The following ZNF366 variants were observed in gnomAD, a reference collection of about 807,000 sequenced individuals.
ZNF366 encodes the protein dendritic cell-specific transcript protein.
In ZNF366, 20 loss-of-function variants were observed where a neutral mutation model predicts 47.2. The observed-to-expected ratio is 0.42, with a 90% CI of 0.30 to 0.62. The LOEUF (loss-of-function observed/expected upper bound fraction) is 0.62, where lower values mean the gene tolerates loss of function less well. Ranked by LOEUF, ZNF366 falls within the 20% of genes least tolerant of loss-of-function variation. The probability of loss-of-function intolerance (pLI) is 0.16; values close to 1 mark genes in which losing one functional copy is unlikely to be tolerated. For synonymous variants in ZNF366, 421 were observed against 395.1 expected, an observed-to-expected ratio of 1.07 and a Z score of -0.78; for missense variants, 987 against 976.3, an observed-to-expected ratio of 1.01 and a Z score of -0.15.
At chr5:72,453,929 C>T (rs930874659) in intron 3 of ZNF366, among the ~76,000 whole-genome samples, 10 of 152,206 alleles carry the variant, frequency 6.6e-5, no homozygotes, top group African/African-American at 2.2e-4. Context: ...TGATAGATGA[C>T]ACTCTCTAGG....
intron 3 of ZNF366, among the ~76,000 whole-genome samples, chr5:72,455,333 A>G (rs1743156313): frequency 1.3e-5 from 2 of 152,168 alleles, no homozygotes; most frequent in Non-Finnish European, 2.9e-5. Flanking sequence ...TAAAGCAGGA[A>G]CAGTCCCTGG....
chr5:72,489,533 G>A (rs1389976560), intron 1 of ZNF366, among the ~76,000 whole-genome samples: 1 of 152,210 alleles, frequency 6.6e-6, no homozygotes. Flanking sequence ...CATGGCACAT[G>A]GCAAGTGCTA....
rs529290790 is a variant in ZNF366, at chr5:72,440,639, T to A, written c.*3117A>T. 4 of 152,308 alleles carry A rather than the reference T, an allele frequency of 2.6e-5. No homozygotes were observed. Among genetic ancestry groups the A allele is most frequent in the African/African-American group, 9.6e-5 (4 of 41,572 alleles). 9.4% of individuals were successfully genotyped at this position (152,308 alleles called of 1,614,324 possible). ...AGGCAAGGCTGGCCAACCCTTCCCT[T>A]AACTCTGTGCTCTTGCATAAAGTGT... On this transcript the variant is annotated 3_prime_UTR_variant, in exon 5 of 5. Transcript: ENST00000318442.
intron 1 of ZNF366, among the ~76,000 whole-genome samples, chr5:72,464,488 T>C (rs2112331768): frequency 6.6e-6 from 1 of 152,314 alleles, no homozygotes; most frequent in East Asian, 1.9e-4. Context: ...CAAAAGCATA[T>C]TTATTTTCAG....
At chr5:72,481,032 A>G (rs1176419027) in intron 1 of ZNF366, among the ~76,000 whole-genome samples, 1 of 152,168 alleles carries the variant, frequency 6.6e-6, no homozygotes, top group Non-Finnish European at 1.5e-5. Flanking sequence ...CGGAAGGAAC[A>G]CCATGTGTGG....
intron 1 of ZNF366, among the ~76,000 whole-genome samples, chr5:72,473,601 A>G (rs1187819837): frequency 6.6e-6 from 1 of 152,162 alleles, no homozygotes; most frequent in Non-Finnish European, 1.5e-5. Context: ...CCATCCAGAA[A>G]TGTTCTTTTC....
At chr5:72,466,285 T>A (rs1743426028) in intron 1 of ZNF366, among the ~76,000 whole-genome samples, 1 of 152,244 alleles carries the variant, frequency 6.6e-6, no homozygotes, top group African/African-American at 2.4e-5. Context: ...ATCCCTTCTC[T>A]ATGGCTGTTT....
intron 1 of ZNF366, among the ~76,000 whole-genome samples, chr5:72,483,736 T>C (rs1743833456): frequency 6.6e-6 from 1 of 152,188 alleles, no homozygotes; most frequent in African/African-American, 2.4e-5. Flanking sequence ...AACAAAGTTG[T>C]GTTACTACTA....
chr5:72,465,276 C>G (rs924395593), intron 1 of ZNF366, among the ~76,000 whole-genome samples: 2 of 152,138 alleles, frequency 1.3e-5, no homozygotes, highest in African/African-American at 4.8e-5. Flanking sequence ...ATTAATATCT[C>G]TGCCTTTGAG....
intron 4 of ZNF366, among the ~76,000 whole-genome samples, chr5:72,445,350 C>A (rs1293115605): frequency 1.7e-5 from 2 of 116,546 alleles, no homozygotes; most frequent in Non-Finnish European, 3.6e-5. Flanking sequence ...TGCAGCCAGA[C>A]CAGGCTTCTG....
chr5:72,449,150 G>A (rs902244693), intron 3 of ZNF366, among the ~76,000 whole-genome samples: 41 of 152,008 alleles, frequency 2.7e-4, no homozygotes, highest in African/African-American at 9.9e-4. Context: ...TTATTAAGAT[G>A]TATCAATCTG....
chr5:72,456,381 TCCTCTCTAGTCCCACTGC>T lies in ZNF366; in HGVS notation c.1524+5_1524+22del, dbSNP rs899785302. ...TCAGGCATTTGCACAACCCTCTGGT[TCCTCTCTAGTCCCACTGC>T]CCACCTTGCATTTGAAAGGCTTCAC... On this transcript the variant is annotated splice_donor_5th_base_variant and intron_variant, in intron 3 of 4. Coordinates refer to ENST00000318442, the MANE Select transcript of ZNF366 (RefSeq NM_152625.3). The T allele has an allele frequency of 1.1e-5, 18 of 1,578,850 alleles. No individual in the cohort carries two copies. The highest frequency in any genetic ancestry group is 1.6e-5 in the Non-Finnish European group (18 of 1,155,462).
At chr5:72,468,865 A>T (rs1405189695) in intron 1 of ZNF366, among the ~76,000 whole-genome samples, 2 of 152,226 alleles carry the variant, frequency 1.3e-5, no homozygotes, top group Non-Finnish European at 2.9e-5. Context: ...TCTCTTCCCC[A>T]ACCCTCAGAG....
At chr5:72,456,248 G>C (rs927743806) in intron 3 of ZNF366, among the ~76,000 whole-genome samples, 156 bp downstream of exon 3, 2 of 152,212 alleles carry the variant, frequency 1.3e-5, no homozygotes, top group African/African-American at 4.8e-5. Context: ...GGCGTGCAGA[G>C]AGGGATAGAG....
intron 1 of ZNF366, among the ~76,000 whole-genome samples, chr5:72,483,054 A>G (rs1743820247): frequency 6.6e-6 from 1 of 152,192 alleles, no homozygotes. Flanking sequence ...TAAAGAAATT[A>G]GCAGTAGTCT....
At chr5:72,502,189 C>T (rs1311085784) in intron 1 of ZNF366, among the ~76,000 whole-genome samples, 2 of 152,350 alleles carry the variant, frequency 1.3e-5, no homozygotes, top group African/African-American at 4.8e-5. Context: ...CCTGGGCAGA[C>T]AGCAGTGGAC....
At chr5:72,492,733 C>T (rs1226941834) in intron 1 of ZNF366, among the ~76,000 whole-genome samples, 1 of 152,224 alleles carries the variant, frequency 6.6e-6, no homozygotes, top group South Asian at 2.1e-4. Context: ...AAAGTTCATT[C>T]TAACTTCCTT....
intron 1 of ZNF366, among the ~76,000 whole-genome samples, chr5:72,491,553 T>C (rs539463283): frequency 1.3e-5 from 2 of 152,262 alleles, no homozygotes; most frequent in Admixed American, 6.5e-5. Flanking sequence ...AGCCACAGTT[T>C]CCTCCTGTGG....
chr5:72,501,598 G>A (rs1744211390), intron 1 of ZNF366, among the ~76,000 whole-genome samples: 1 of 152,300 alleles, frequency 6.6e-6, no homozygotes, highest in Admixed American at 6.5e-5. Flanking sequence ...TTCTCTCCCT[G>A]AATTTACCCC....
Sources: gnomAD v4.1 joint callset for allele counts (sites outside exome capture counted in the v4.1 genomes callset) on GRCh38, gnomAD v4.1.1 for gene constraint, MANE v1.5 for transcripts, NCBI Gene and HGNC (gene_info 2026-07-23, HGNC 2026-07-21) for gene names.